Variants in KIAA0319 observed in about 807,000 individuals in gnomAD.
KIAA0319 encodes dyslexia-associated protein KIAA0319.
A neutral mutation model predicts 108.4 loss-of-function variants in KIAA0319; 83 were observed. That is an observed-to-expected ratio of 0.77 (90% CI 0.64 to 0.92). The LOEUF is 0.92. Among genes scored for constraint, KIAA0319 ranks in the 40% least tolerant of loss-of-function variants. KIAA0319 has a pLI of 0.00. For missense variants in KIAA0319, 1,195 were observed against 1,322.4 expected (o/e 0.90, Z 1.49); for synonymous variants, 484 against 510.4 (o/e 0.95, Z 0.70).
chr6:24,540,881 C>T (rs1413030965), downstream of KIAA0319, among the ~76,000 whole-genome samples: 1 of 152,102 alleles, frequency 6.6e-6, no homozygotes, highest in Non-Finnish European at 1.5e-5. Context: ...AAACTGATAC[C>T]AGTGCAAAAC....
intron 20 of KIAA0319, among the ~76,000 whole-genome samples, 198 bp from the exon 21 acceptor site, chr6:24,547,541 C>T (rs2127402914): frequency 6.6e-6 from 1 of 152,270 alleles, no homozygotes; most frequent in South Asian, 2.1e-4. Flanking sequence ...AGCTTCTGTC[C>T]CAGCTTTGAC....
chr6:24,574,117 A>G (rs559172007), intron 10 of KIAA0319, among the ~76,000 whole-genome samples: 1 of 151,766 alleles, frequency 6.6e-6, no homozygotes, highest in African/African-American at 2.4e-5. Flanking sequence ...TCTGTCTCAA[A>G]AAAGAAAAAA....
intron 1 of KIAA0319, among the ~76,000 whole-genome samples, chr6:24,643,786 G>T (rs2127605527): frequency 6.6e-6 from 1 of 152,316 alleles, no homozygotes; most frequent in African/African-American, 2.4e-5. Flanking sequence ...AATGAGCAAA[G>T]ATCTCTTAAA....
chr6:24,602,041 A>T (rs1770700287), intron 1 of KIAA0319, among the ~76,000 whole-genome samples: 1 of 150,464 alleles, frequency 6.6e-6, no homozygotes, highest in African/African-American at 2.4e-5. Context: ...TTTTTGAGAC[A>T]GAGTCTTGCA....
In KIAA0319 at chr6:24,548,016, G is replaced by C. The variant is rs373678511; in HGVS notation, c.3041-673C>G. On this transcript the variant is annotated intron_variant, in intron 20 of 20. Transcript: ENST00000378214. ...TTGCTATGCTCTAGCCCAGGTGACA[G>C]AGCAAGACCCTGTCTCGGGAAAAAA... Among the ~76,000 whole-genome samples the C allele has an allele frequency of 5.9e-5, 9 of 152,148 alleles. No homozygotes were observed. In the East Asian group the frequency reaches 1.4e-3, roughly 23 times the overall value.
intron 2 of KIAA0319, chr6:24,598,502 A>G: frequency 2.1e-6 from 1 of 467,146 alleles, no homozygotes; most frequent in Non-Finnish European, 4.1e-6. Flanking sequence ...GGCCAGGAAA[A>G]GCTGAAGCTG....
In KIAA0319 at chr6:24,601,186, G is replaced by A; in HGVS notation, c.-83C>T. On this transcript the variant is annotated 5_prime_UTR_variant, in exon 2 of 21. Coordinates refer to ENST00000378214, the MANE Select transcript of KIAA0319 (RefSeq NM_014809.4). ...TGCAAGCTTCCTTTGATGTTTTTTA[G>A]GAGCCAGATTTGGCCTCAAGAACTT... 6.4e-7 allele frequency: 1 copy of A among 1,565,988 alleles called. No homozygotes were observed. Among genetic ancestry groups the A allele is most frequent in the Non-Finnish European group, 8.7e-7 (1 of 1,154,906 alleles).
In KIAA0319 at chr6:24,572,702, A is replaced by T; in HGVS notation, c.1735-4T>A. 2 of 1,593,290 alleles carry T rather than the reference A, an allele frequency of 1.3e-6. No homozygotes were observed. The highest frequency in any genetic ancestry group is 1.7e-6 in the Non-Finnish European group (2 of 1,174,056). On this transcript the variant is annotated splice_polypyrimidine_tract_variant and splice_region_variant and intron_variant, in intron 10 of 20. Transcript: ENST00000378214. Reference sequence around the variant, plus strand: ...GAAGGTATGGCGTCTGTACTCCCTAAGTAATAGCAAATACAAAAATAAAAA... The same window carrying T: ...GAAGGTATGGCGTCTGTACTCCCTATGTAATAGCAAATACAAAAATAAAAA...
At chr6:24,626,169 A>G (rs1014286319) in intron 1 of KIAA0319, among the ~76,000 whole-genome samples, 6 of 152,228 alleles carry the variant, frequency 3.9e-5, no homozygotes, top group African/African-American at 1.4e-4. Flanking sequence ...AATGCAAATC[A>G]GTGGCTGCCA....
At chr6:24,589,815 T>C (rs1768177698) in intron 3 of KIAA0319, among the ~76,000 whole-genome samples, 1 of 152,216 alleles carries the variant, frequency 6.6e-6, no homozygotes, top group African/African-American at 2.4e-5. Flanking sequence ...AATAATTCAA[T>C]AGTAAACAGG....
intron 12 of KIAA0319, among the ~76,000 whole-genome samples, 163 bp from the exon 13 acceptor site, chr6:24,569,092 AAG>A (rs1354459890): frequency 6.6e-6 from 1 of 152,244 alleles, no homozygotes; most frequent in Non-Finnish European, 1.5e-5. Flanking sequence ...AGTTCAGTGT[AAG>A]AGTCACAAGC....
chr6:24,584,599 T>C (rs1483417951), intron 4 of KIAA0319, among the ~76,000 whole-genome samples: 1 of 152,096 alleles, frequency 6.6e-6, no homozygotes, highest in Non-Finnish European at 1.5e-5. Flanking sequence ...GGCTCCTCTC[T>C]TGTCATTTTC....
chr6:24,583,134 TA>T, intron 5 of KIAA0319: 1 of 986,648 alleles, frequency 1.0e-6, no homozygotes, highest in Non-Finnish European at 1.2e-6. Context: ...ACTGGACAAG[TA>T]GAAGAAAGAG....
At chr6:24,642,561 G>A (rs1777109516) in intron 1 of KIAA0319, among the ~76,000 whole-genome samples, 2 of 152,110 alleles carry the variant, frequency 1.3e-5, no homozygotes, top group Non-Finnish European at 2.9e-5. Context: ...GGGTGTTATG[G>A]GTGGCAACGC....
chr6:24,579,953 G>A lies in KIAA0319; in HGVS notation c.1280-3C>T. 1 of 1,576,350 alleles carries A rather than the reference G, an allele frequency of 6.3e-7. No individual in the cohort carries two copies. Among genetic ancestry groups the A allele is most frequent in the Non-Finnish European group, 8.6e-7 (1 of 1,162,018 alleles). The stretch of plus-strand genomic sequence containing the variant: ...AGGTGGCAGGTTGACTCTTCTGGCT[G>A]TAACAAAAAAAAGGACAGTGACTGA... On this transcript the variant is annotated splice_polypyrimidine_tract_variant and splice_region_variant and intron_variant, in intron 7 of 20. Coordinates refer to ENST00000378214, the MANE Select transcript of KIAA0319 (RefSeq NM_014809.4).
chr6:24,600,490 G>A, intron 2 of KIAA0319: 1 of 644,950 alleles, frequency 1.6e-6, no homozygotes, highest in South Asian at 1.8e-5. Flanking sequence ...CTGGAGTGTG[G>A]CATGAGAAAC....
intron 1 of KIAA0319, among the ~76,000 whole-genome samples, chr6:24,622,266 C>T (rs1774062106): frequency 6.7e-6 from 1 of 149,252 alleles, no homozygotes; most frequent in Non-Finnish European, 1.5e-5. Flanking sequence ...CAGTGGAGCC[C>T]CTCACAGATC....
intron 2 of KIAA0319, among the ~76,000 whole-genome samples, chr6:24,600,082 T>C (rs1173119301): frequency 6.6e-6 from 1 of 150,586 alleles, no homozygotes; most frequent in East Asian, 1.9e-4. Flanking sequence ...TTTATTGGGA[T>C]GCAATAACTC....
chr6:24,564,054 G>A (rs919095177), intron 15 of KIAA0319, 148 bp downstream of exon 15: 2 of 797,012 alleles, frequency 2.5e-6, no homozygotes, highest in Non-Finnish European at 4.0e-6. Flanking sequence ...ACACAACAAG[G>A]TGTAAGAGAC....
Sources: gnomAD v4.1 joint callset for allele counts (sites outside exome capture counted in the v4.1 genomes callset) on GRCh38, gnomAD v4.1.1 for gene constraint, MANE v1.5 for transcripts, NCBI Gene and HGNC (gene_info 2026-07-23, HGNC 2026-07-21) for gene names.